GET1: variants seen among roughly 807,000 people sequenced by gnomAD.
GET1 encodes guided entry of tail-anchored proteins factor 1.
A neutral mutation model predicts 22.6 loss-of-function variants in GET1; 20 were observed. That is an observed-to-expected ratio of 0.89 (90% CI 0.62 to 1.29). GET1 has a LOEUF of 1.29. Among genes scored for constraint, GET1 ranks in the 50% most tolerant of loss-of-function variants. The pLI is 0.00. For synonymous variants in GET1, 92 were observed against 83.8 expected (o/e 1.10, Z -0.53); for missense variants, 209 against 219.9 (o/e 0.95, Z 0.31).
downstream of GET1, chr21:39,407,699 T>G (rs2039326980): frequency 6.6e-6 from 1 of 152,224 alleles, no homozygotes; most frequent in African/African-American, 2.4e-5. Context: ...GGTTTTGCAT[T>G]TGCTTCCTCC....
chr21:39,390,569 C>A, intron 1 of GET1, 129 bp from the exon 2 acceptor site: 1 of 1,257,428 alleles, frequency 8.0e-7, no homozygotes, highest in Non-Finnish European at 1.1e-6. Context: ...TGCATTCAGT[C>A]CTGCAGGGAC....
chr21:39,404,683 C>T (rs991337421), intron 4 of GET1, among the ~76,000 whole-genome samples: 4 of 127,892 alleles, frequency 3.1e-5, no homozygotes, highest in Non-Finnish European at 4.7e-5. Context: ...CCCGGCAGGG[C>T]GGAGGTTGCA....
chr21:39,416,881 G>A (rs2041270055), intron 1 of GET1, among the ~76,000 whole-genome samples: 1 of 152,126 alleles, frequency 6.6e-6, no homozygotes, highest in African/African-American at 2.4e-5. Context: ...TGTGTTTTAA[G>A]TCACTTGGAA....
rs1342366550 is a variant in GET1, at chr21:39,419,546, AAAAG to A, written c.*23+8618_*23+8621del. ...TTCAAAAAAAAAAAAGAAAAAAGAA[AAAAG>A]AAAGAAAGGGAAATTATTGATATAG... On this transcript the variant is annotated intron_variant, in intron 1 of 1. Coordinates refer to the GET1 transcript ENST00000478273. 3.7e-3 allele frequency among the ~76,000 whole-genome samples: 556 copies of A among 150,596 alleles called. 3 individuals are homozygous for A. The highest frequency in any genetic ancestry group is 0.012 in the African/African-American group (505 of 40,920).
downstream of GET1, chr21:39,410,183 T>C (rs1434090583): frequency 3.2e-6 from 4 of 1,243,838 alleles, no homozygotes; most frequent in Non-Finnish European, 4.7e-6. Context: ...ACAAATACTT[T>C]TCACATAGAA....
At chr21:39,380,912 C>G in intron 1 of GET1, 1 of 205,234 alleles carries the variant, frequency 4.9e-6, no homozygotes, top group Non-Finnish European at 7.9e-6. Context: ...CAGGAGCCCA[C>G]ATTCTTGGGG....
At chr21:39,401,373 T>C (rs774124525), downstream of GET1, among the ~76,000 whole-genome samples, 2 of 152,118 alleles carry the variant, frequency 1.3e-5, no homozygotes, top group Non-Finnish European at 2.9e-5. Flanking sequence ...TTTTAAAAAA[T>C]AGTTTTTATT....
rs533205594 is a variant in GET1, at chr21:39,420,014, GTTAA to G, written c.*24-8215_*24-8212del. Among the ~76,000 whole-genome samples, 426 of 152,076 alleles carry G rather than the reference GTTAA, an allele frequency of 2.8e-3. 4 individuals carry two copies. Among genetic ancestry groups the G allele is most frequent in the African/African-American group, 9.7e-3 (401 of 41,492 alleles). The stretch of plus-strand genomic sequence containing the variant: ...TATCTTAAATATTATGTTTTTAAAC[GTTAA>G]TTTTGAGTTACATTAAAATGTTAAC... On this transcript the variant is annotated intron_variant, in intron 1 of 1. Transcript: ENST00000478273.
At chr21:39,408,550 T>TTGGCC (rs1315458991), downstream of GET1, 1 of 152,366 alleles carries the variant, frequency 6.6e-6, no homozygotes, top group African/African-American at 2.4e-5. Context: ...AGCCAGGGCC[T>TTGGCC]TGGCCTGTCT....
chr21:39,385,837 C>A (rs2037853174), intron 1 of GET1, among the ~76,000 whole-genome samples: 2 of 152,128 alleles, frequency 1.3e-5, no homozygotes, highest in Non-Finnish European at 2.9e-5. Flanking sequence ...GCTCAGAGTC[C>A]ACGCATACCG....
At chr21:39,428,079 A>G (rs1297407430) in intron 1 of GET1, 1 of 723,900 alleles carries the variant, frequency 1.4e-6, no homozygotes, top group African/African-American at 1.8e-5. Flanking sequence ...GGAAAACAAT[A>G]AAACTGAGTA....
chr21:39,405,113 G>C (rs1263510401), intron 4 of GET1, among the ~76,000 whole-genome samples: 4 of 151,588 alleles, frequency 2.6e-5, no homozygotes, highest in Non-Finnish European at 5.9e-5. Context: ...GATTACTGGC[G>C]TGAGCCATGG....
exon 5 of GET1, chr21:39,406,276 G>A (rs1345146562): frequency 1.9e-6 from 3 of 1,614,078 alleles, no homozygotes; most frequent in Non-Finnish European, 2.5e-6. Flanking sequence ...TGGCCCCCCT[G>A]AAGCAGGAAG....
chr21:39,410,372 G>A (rs2039876086), downstream of GET1: 2 of 1,483,082 alleles, frequency 1.3e-6, no homozygotes, highest in Admixed American at 3.7e-5. Flanking sequence ...AAGAAACTAT[G>A]GAACAGGTAG....
intron 1 of GET1, among the ~76,000 whole-genome samples, chr21:39,424,698 T>C (rs1209425970): frequency 6.6e-6 from 1 of 152,180 alleles, no homozygotes; most frequent in East Asian, 1.9e-4. Context: ...AGTCTATCTG[T>C]TTATACAGAT....
intron 1 of GET1, among the ~76,000 whole-genome samples, chr21:39,386,931 A>G (rs1210426685): frequency 1.3e-5 from 2 of 151,808 alleles, no homozygotes; most frequent in Admixed American, 6.6e-5. Context: ...AGCAGCCTCA[A>G]CCTTTCGGGC....
intron 1 of GET1, among the ~76,000 whole-genome samples, chr21:39,420,247 T>C (rs1415325748): frequency 1.3e-5 from 2 of 151,752 alleles, no homozygotes; most frequent in Admixed American, 6.6e-5. Flanking sequence ...TTAGGCCAGG[T>C]GCGGTGGCTC....
chr21:39,383,368 G>GC (rs563945394), intron 1 of GET1, among the ~76,000 whole-genome samples: 35 of 151,560 alleles, frequency 2.3e-4, no homozygotes, highest in Non-Finnish European at 3.8e-4. Flanking sequence ...TGCAACCTCT[G>GC]CCCCCCGAGT....
chr21:39,420,949 C>A, intron 1 of GET1: 1 of 835,374 alleles, frequency 1.2e-6, no homozygotes, highest in East Asian at 2.6e-5. Context: ...ATTTTCAATA[C>A]AATTTTAGTG....
Sources: allele counts gnomAD v4.1 joint callset (sites outside exome capture counted in the v4.1 genomes callset), GRCh38; gene constraint gnomAD v4.1.1; transcripts MANE v1.5; gene names NCBI Gene and HGNC (gene_info 2026-07-23, HGNC 2026-07-21).